Variants in GPATCH1 observed in about 807,000 individuals in gnomAD.
The protein encoded by GPATCH1 is G-patch domain containing 1, also known as G patch domain-containing protein 1.
Under a neutral mutation model 114.9 loss-of-function variants are expected in GPATCH1, and 73 were observed. The observed-to-expected ratio is 0.64, with a 90% CI of 0.53 to 0.77. The LOEUF (loss-of-function observed/expected upper bound fraction) is 0.77. GPATCH1 is among the 30% of genes least tolerant of loss of function. The pLI, the probability that GPATCH1 is intolerant of heterozygous loss-of-function variation, is 0.00. For missense variants in GPATCH1, 1,058 were observed against 1,144.3 expected, an observed-to-expected ratio of 0.92 and a Z score of 1.09; for synonymous variants, 391 against 428.4, an observed-to-expected ratio of 0.91 and a Z score of 1.08.
chr19:33,106,888 C>T lies in GPATCH1; in HGVS notation c.1274C>T (p.Thr425Met), dbSNP rs76450013. The part of the protein sequence containing the change: ...ASKRAELLGE[T>M]PIQGSATSVL... ...AAACGGGCTGAGTTGCTTGGAGAGA[C>T]GCCTATTCAAGGTATGTGCCATGGA... Residue 425 changes from threonine to methionine, a missense_variant, in exon 10 of 20, where the codon ACG becomes ATG. Physicochemically the swap from Thr to Met is moderately conservative, Grantham distance 81. This residue lies in a region of GPATCH1 where 893 missense variants were observed against 977.4 expected (regional missense o/e 0.91). Transcript: ENST00000170564. The T allele has an allele frequency of 4.9e-5, 79 of 1,612,136 alleles. 1 individual carries two copies. The East Asian group carries it at 7.1e-4, about 15-fold the overall frequency.
intron 18 of GPATCH1, 100 bp from the exon 19 acceptor site, chr19:33,126,488 T>G: frequency 6.5e-7 from 1 of 1,544,560 alleles, no homozygotes; most frequent in Non-Finnish European, 8.7e-7. Context: ...AACATTTTTT[T>G]GAATGACTCC....
chr19:33,100,021 T>C (rs923458947), intron 8 of GPATCH1, among the ~76,000 whole-genome samples: 1 of 151,966 alleles, frequency 6.6e-6, no homozygotes, highest in Non-Finnish European at 1.5e-5. Context: ...TCCGCCCGCC[T>C]CGGCCTCCCA....
intron 14 of GPATCH1, 41 bp from the exon 15 acceptor site, chr19:33,114,212 C>T: frequency 6.4e-7 from 1 of 1,550,622 alleles, no homozygotes; most frequent in Non-Finnish European, 8.8e-7. Flanking sequence ...TGGCCTTTTC[C>T]TTGCTAATGC....
intron 9 of GPATCH1, among the ~76,000 whole-genome samples, chr19:33,103,552 T>A (rs1049295964): frequency 6.6e-6 from 1 of 151,654 alleles, no homozygotes; most frequent in Admixed American, 6.6e-5. Flanking sequence ...AATACAAAAA[T>A]TAGCCAGGCA....
chr19:33,125,479 G>C (rs559750495), intron 18 of GPATCH1, among the ~76,000 whole-genome samples: 1 of 151,822 alleles, frequency 6.6e-6, no homozygotes, highest in African/African-American at 2.4e-5. Context: ...CTACCTCCTG[G>C]GTTCAAGCAA....
intron 9 of GPATCH1, among the ~76,000 whole-genome samples, chr19:33,102,691 G>A (rs1431313602): frequency 5.9e-5 from 9 of 152,046 alleles, no homozygotes; most frequent in African/African-American, 2.2e-4. Flanking sequence ...CACCGCGCCC[G>A]GCCGCTAATA....
chr19:33,093,137 C>G (rs1972615304), intron 3 of GPATCH1, among the ~76,000 whole-genome samples: 1 of 152,058 alleles, frequency 6.6e-6, no homozygotes, highest in African/African-American at 2.4e-5. Context: ...GCAGTGAGCC[C>G]AGATTGCACC....
At chr19:33,089,001 G>T (rs1190807939) in intron 2 of GPATCH1, among the ~76,000 whole-genome samples, 1 of 152,098 alleles carries the variant, frequency 6.6e-6, no homozygotes, top group Non-Finnish European at 1.5e-5. Flanking sequence ...TTGGATATTT[G>T]GATGTTTCCA....
chr19:33,106,460 G>A (rs981135770), intron 9 of GPATCH1, among the ~76,000 whole-genome samples: 1 of 152,070 alleles, frequency 6.6e-6, no homozygotes, highest in Non-Finnish European at 1.5e-5. Context: ...GTAGAAATGG[G>A]TGGGAGGATA....
chr19:33,126,016 G>C (rs1973036754), intron 18 of GPATCH1, among the ~76,000 whole-genome samples: 2 of 152,162 alleles, frequency 1.3e-5, no homozygotes, highest in African/African-American at 2.4e-5. Context: ...GTCTGGGCTA[G>C]GTGCTGAAGA....
chr19:33,128,555 C>T (rs563050651), intron 19 of GPATCH1, among the ~76,000 whole-genome samples: 3 of 152,252 alleles, frequency 2.0e-5, no homozygotes, highest in African/African-American at 4.8e-5. Flanking sequence ...CCACCACACC[C>T]GGCCTAAAAA....
intron 17 of GPATCH1, among the ~76,000 whole-genome samples, chr19:33,119,634 G>A (rs1319140089): frequency 6.6e-6 from 1 of 151,024 alleles, no homozygotes; most frequent in Non-Finnish European, 1.5e-5. Flanking sequence ...GGAGGTGGAG[G>A]TTGCAGTGAG....
chr19:33,118,812 C>T (rs1005448604), intron 16 of GPATCH1, among the ~76,000 whole-genome samples, 198 bp from the exon 17 acceptor site: 1 of 152,190 alleles, frequency 6.6e-6, no homozygotes, highest in South Asian at 2.1e-4. Context: ...CAGGTGCCCT[C>T]GTGTGACTGA....
chr19:33,109,750 A>C lies in GPATCH1; in HGVS notation c.1319A>C (p.Gln440Pro). 1.3e-6 allele frequency: 2 copies of C among 1,584,224 alleles called. No homozygotes were observed. Among genetic ancestry groups the C allele is most frequent in the Non-Finnish European group, 1.7e-6 (2 of 1,164,946 alleles). The change falls in exon 11 of 20, where the codon CAA becomes CCA. Residue 440 changes from glutamine (Q) to proline (P), a missense_variant. Coordinates refer to ENST00000170564, the MANE Select transcript of GPATCH1 (RefSeq NM_018025.3). Reference protein sequence around the residue: ...SATSVLEFLSQKDKERIKEMK... With the variant: ...SATSVLEFLSPKDKERIKEMK... ...ACTTCAGTGTTAGAATTTCTGTCCCAAAAAGACAAAGAGAGAATCAAAGAA... is the reference window on the plus strand; with the variant it reads ...ACTTCAGTGTTAGAATTTCTGTCCCCAAAAGACAAAGAGAGAATCAAAGAA...
At chr19:33,081,923 G>A (rs1291308324) in intron 1 of GPATCH1, among the ~76,000 whole-genome samples, 6 of 118,374 alleles carry the variant, frequency 5.1e-5, no homozygotes, top group African/African-American at 1.9e-4. Flanking sequence ...TCCCAGGCTG[G>A]TCTTGAACTC....
At chr19:33,081,361 A>T in intron 1 of GPATCH1, 95 bp downstream of exon 1, 5 of 1,028,470 alleles carry the variant, frequency 4.9e-6, no homozygotes, top group Non-Finnish European at 5.8e-6. Context: ...GACCATTGTT[A>T]GATCGTTCCC....
chr19:33,097,949 A>G (rs1364943285), intron 8 of GPATCH1, 47 bp downstream of exon 8: 1 of 1,582,426 alleles, frequency 6.3e-7, no homozygotes, highest in South Asian at 1.1e-5. Context: ...GTGTCAGGGT[A>G]TCAGGAAGGA....
chr19:33,118,895 G>A (rs937152390), intron 16 of GPATCH1, 115 bp from the exon 17 acceptor site: 11 of 611,054 alleles, frequency 1.8e-5, no homozygotes, highest in African/African-American at 3.7e-5. Flanking sequence ...GCACCTGGCA[G>A]GAGTGAAGTG....
intron 15 of GPATCH1, among the ~76,000 whole-genome samples, chr19:33,117,100 G>T (rs907413546): frequency 7.2e-5 from 11 of 152,068 alleles, no homozygotes; most frequent in African/African-American, 2.7e-4. Context: ...AGGGGCTACG[G>T]TTGGAGGATC....
Sources: gnomAD v4.1 joint callset for allele counts (sites outside exome capture counted in the v4.1 genomes callset) on GRCh38, gnomAD v4.1.1 for gene constraint, gnomAD v4.1.1 regional missense constraint, MANE v1.5 for transcripts, NCBI Gene and HGNC (gene_info 2026-07-23, HGNC 2026-07-21) for gene names.